Variants in TRAK1 observed in about 807,000 individuals in gnomAD.
TRAK1 encodes the protein trafficking kinesin protein 1.
TRAK1 carries 33 observed loss-of-function variants against 92.1 expected under a neutral mutation model. The ratio of observed to expected loss-of-function variants is 0.36; its 90% CI spans 0.27 to 0.48. The LOEUF is 0.48. TRAK1 is among the 20% of genes least tolerant of loss of function. TRAK1 has a pLI of 0.99. For missense variants in TRAK1, 1,123 were observed against 1,257.9 expected (o/e 0.89, Z 1.62); for synonymous variants, 521 against 517.3 (o/e 1.01, Z -0.10).
chr3:42,206,331 T>A (rs1212393429), intron 13 of TRAK1, among the ~76,000 whole-genome samples: 2 of 152,116 alleles, frequency 1.3e-5, no homozygotes, highest in African/African-American at 4.8e-5. Flanking sequence ...ATGACATAAC[T>A]GAAATAGCAC....
chr3:42,194,732 T>G (rs1706340593), intron 9 of TRAK1, 72 bp from the exon 10 acceptor site: 1 of 1,556,830 alleles, frequency 6.4e-7, no homozygotes, highest in South Asian at 1.2e-5. Flanking sequence ...CTTTCTGGCC[T>G]TCGGATGGGC....
At chr3:42,149,688 A>G (rs1006288142) in intron 2 of TRAK1, 2 of 1,501,850 alleles carry the variant, frequency 1.3e-6, no homozygotes, top group Admixed American at 4.1e-5. Context: ...TTTAGGGGAG[A>G]CAGGCGGCTG....
chr3:42,079,026 A>AT (rs1458416541), intron 1 of TRAK1, among the ~76,000 whole-genome samples: 3 of 152,166 alleles, frequency 2.0e-5, no homozygotes, highest in Non-Finnish European at 4.4e-5. Flanking sequence ...GGCAACCTGA[A>AT]TAAGTGTGGA....
At chr3:42,183,548 CTG>C (rs1231379104) in intron 3 of TRAK1, among the ~76,000 whole-genome samples, 2 of 85,928 alleles carry the variant, frequency 2.3e-5, no homozygotes, top group African/African-American at 9.7e-5. Flanking sequence ...GAGTGAGACT[CTG>C]TCTAAAAAAA....
At chr3:42,044,184 A>C (rs1210184190) in intron 1 of TRAK1, among the ~76,000 whole-genome samples, 2 of 152,176 alleles carry the variant, frequency 1.3e-5, no homozygotes, top group Non-Finnish European at 2.9e-5. Flanking sequence ...TTTTTGAAAC[A>C]GGGTCTTGCT....
chr3:42,217,952 T>G (rs1577065023), intron 14 of TRAK1: 3 of 936,004 alleles, frequency 3.2e-6, no homozygotes, highest in Non-Finnish European at 3.8e-6. Context: ...TTTTTATGTG[T>G]TTTTTTTTTC....
intron 1 of TRAK1, chr3:42,051,786 A>T (rs1376582143): frequency 2.6e-5 from 4 of 152,252 alleles, no homozygotes; most frequent in African/African-American, 9.7e-5. Flanking sequence ...ATTCTGAGTG[A>T]TCTGGGAGAC....
intron 14 of TRAK1, among the ~76,000 whole-genome samples, chr3:42,215,566 G>A (rs1242178639): frequency 1.3e-5 from 2 of 151,990 alleles, no homozygotes; most frequent in African/African-American, 4.8e-5. Flanking sequence ...GCAGATCCAA[G>A]TCATGTGACA....
upstream of TRAK1, among the ~76,000 whole-genome samples, chr3:42,085,917 A>C (rs1284944617): frequency 6.6e-6 from 1 of 152,230 alleles, no homozygotes; most frequent in Non-Finnish European, 1.5e-5. Context: ...GTCTCTGGAA[A>C]ATTCCACTGT....
At chr3:42,050,009 G>A (rs75016701) in intron 1 of TRAK1, among the ~76,000 whole-genome samples, 12,805 of 152,194 alleles carry the variant, frequency 0.084, 608 homozygotes, top group Non-Finnish European at 0.11. Flanking sequence ...AGCAGGGCTT[G>A]TTGACAGTAG....
chr3:42,158,114 T>TTA (rs2149287134), intron 2 of TRAK1, among the ~76,000 whole-genome samples: 1 of 152,356 alleles, frequency 6.6e-6, no homozygotes, highest in African/African-American at 2.4e-5. Flanking sequence ...TATTGTGTAA[T>TTA]ATATAGAGTC....
intron 13 of TRAK1, among the ~76,000 whole-genome samples, chr3:42,207,129 G>A (rs1196444442): frequency 1.3e-5 from 2 of 152,128 alleles, no homozygotes; most frequent in Admixed American, 1.3e-4. Flanking sequence ...TGGCCATATT[G>A]TACATGGGGT....
chr3:42,104,126 C>T (rs866917378), intron 1 of TRAK1, among the ~76,000 whole-genome samples: 19 of 152,162 alleles, frequency 1.2e-4, no homozygotes, highest in Non-Finnish European at 2.4e-4. Flanking sequence ...GGGAGAGGGG[C>T]GTCCACCATT....
At chr3:42,055,127 C>T (rs535131341) in intron 1 of TRAK1, among the ~76,000 whole-genome samples, 1 of 152,020 alleles carries the variant, frequency 6.6e-6, no homozygotes, top group East Asian at 1.9e-4. Flanking sequence ...GCCATGTTGG[C>T]CAGGCTGGCC....
At chr3:42,031,866 T>G (rs1245805238) in intron 1 of TRAK1, among the ~76,000 whole-genome samples, 1 of 152,056 alleles carries the variant, frequency 6.6e-6, no homozygotes, top group African/African-American at 2.4e-5. Flanking sequence ...AGGGAGAGTA[T>G]AAAAAGATTA....
Position 42,223,066 on chromosome 3 carries a change from A to G in TRAK1, c.2191A>G (p.Thr731Ala), listed in dbSNP as rs1257456523. ...GTCCTTCACTAACACCCGTGAGTCC[A>G]CGACCACCATGAGCACATCCCTGGG... ...AESFTNTRESTTTMSTSLGLV... is the reference protein window; with the variant it reads ...AESFTNTRESATTMSTSLGLV... The change falls in exon 16 of 16, where the codon ACG becomes GCG. Residue 731 changes from threonine (T) to alanine (A), a missense_variant. Thr to Ala is a moderately conservative substitution (Grantham distance 58). This residue lies in a region of TRAK1 where 401 missense variants were observed against 438.9 expected (regional missense o/e 0.91). Coordinates refer to ENST00000327628, the MANE Select transcript of TRAK1 (RefSeq NM_001042646.3). The surrounding 1 kb of genome is among the most constrained non-coding windows in gnomAD (Gnocchi z 6.1). The G allele has an allele frequency of 6.2e-7, 1 of 1,613,988 alleles. No homozygotes were observed. The highest frequency in any genetic ancestry group is 1.7e-5 in the Admixed American group (1 of 60,018).
chr3:42,072,379 C>CGTAAAGGTTCCATT (rs145348728), intron 1 of TRAK1, among the ~76,000 whole-genome samples: 3,211 of 152,012 alleles, frequency 0.021, 129 homozygotes, highest in African/African-American at 0.074. Context: ...AAGCTCTGCT[C>CGTAAAGGTTCCATT]GTAAAGGTTC....
rs143656268 is a variant in TRAK1, at chr3:42,202,501, C to T, written c.1493C>T (p.Ala498Val). 53 of 1,519,908 alleles carry T rather than the reference C, an allele frequency of 3.5e-5. No individual in the cohort carries two copies. The African/African-American group carries it at 6.8e-4, about 19-fold the overall frequency. The allele number at this position is 1,519,908 out of a possible 1,614,324, so 94.2% of individuals were successfully genotyped here. ...CCAGGCTCCCACGACCTGGAGACGG[C>T]GCTGAGGCGGCTGTCCCTGCGCCGG... ...GTPGSHDLET[A>V]LRRLSLRREN... The change falls in exon 13 of 16, where the codon GCG (alanine) becomes GTG (valine). Residue 498 changes from alanine to valine, a missense_variant. Physicochemically the swap from Ala to Val is moderately conservative, Grantham distance 64. Transcript: ENST00000327628. This position sits in a 1 kb window ranked among gnomAD's most constrained non-coding sequence, Gnocchi z 6.1.
At chr3:42,151,111 G>C (rs918200612) in intron 2 of TRAK1, among the ~76,000 whole-genome samples, 4 of 152,196 alleles carry the variant, frequency 2.6e-5, no homozygotes, top group African/African-American at 9.7e-5. Context: ...GTTACAGCAG[G>C]GTGCTGTCAG....
Sources: gnomAD v4.1 joint callset for allele counts (sites outside exome capture counted in the v4.1 genomes callset) on GRCh38, gnomAD v4.1.1 for gene constraint, gnomAD v4.1.1 regional missense constraint, Gnocchi (gnomAD v3.1) non-coding constraint, MANE v1.5 for transcripts, NCBI Gene and HGNC (gene_info 2026-07-23, HGNC 2026-07-21) for gene names.